Variants in AGBL4 observed in about 807,000 individuals in gnomAD.
AGBL4 encodes the protein AGBL carboxypeptidase 4.
AGBL4 carries 58 observed loss-of-function variants against 66.4 expected under a neutral mutation model. That is an observed-to-expected ratio of 0.87 (90% CI 0.71 to 1.09). The LOEUF (loss-of-function observed/expected upper bound fraction) is 1.09. Ranked by LOEUF, AGBL4 falls within the 50% of genes least tolerant of loss-of-function variation. AGBL4 has a pLI of 0.00. For missense variants in AGBL4, 579 were observed against 631.0 expected (o/e 0.92, Z 0.88); for synonymous variants, 234 against 222.9 (o/e 1.05, Z -0.44).
intron 2 of AGBL4, among the ~76,000 whole-genome samples, chr1:49,715,083 A>G (rs531087025): frequency 1.3e-5 from 2 of 152,282 alleles, no homozygotes; most frequent in African/African-American, 2.4e-5. Context: ...CGTCATCTAC[A>G]TTAGGTATTT....
chr1:48,910,789 T>C (rs577344455), intron 5 of AGBL4, among the ~76,000 whole-genome samples: 1 of 152,314 alleles, frequency 6.6e-6, no homozygotes, highest in East Asian at 1.9e-4. Flanking sequence ...TTTTACCAAA[T>C]GGATTTCTCC....
intron 2 of AGBL4, among the ~76,000 whole-genome samples, chr1:49,780,545 TG>T (rs1644312349): frequency 2.6e-5 from 4 of 152,092 alleles, no homozygotes; most frequent in African/African-American, 9.7e-5. Flanking sequence ...AATGAATTGT[TG>T]GGTTTGTAAT....
At chr1:49,532,366 C>A (rs1651207750) in intron 3 of AGBL4, among the ~76,000 whole-genome samples, 1 of 152,066 alleles carries the variant, frequency 6.6e-6, no homozygotes, top group South Asian at 2.1e-4. Context: ...AGCTGAGATT[C>A]AAATTCATGT....
intron 11 of AGBL4, among the ~76,000 whole-genome samples, chr1:48,558,286 G>A (rs1644350332): frequency 1.3e-5 from 2 of 152,180 alleles, no homozygotes; most frequent in South Asian, 4.1e-4. Flanking sequence ...GTGCATCAGT[G>A]GTTAAAGAAT....
chr1:49,698,859 A>G (rs1343165), intron 2 of AGBL4, among the ~76,000 whole-genome samples: 64,245 of 151,848 alleles, frequency 0.42, 16,112 homozygotes, highest in Non-Finnish European at 0.57. Flanking sequence ...TTGATAAACA[A>G]TATCTTAAAA....
At chr1:49,520,042 G>T in intron 3 of AGBL4, among the ~76,000 whole-genome samples, 1 of 152,138 alleles carries the variant, frequency 6.6e-6, no homozygotes, top group African/African-American at 2.4e-5. Flanking sequence ...CAGATTCTAA[G>T]AACCTGAACA....
At chr1:49,012,560 T>G (rs1393839414) in intron 5 of AGBL4, among the ~76,000 whole-genome samples, 1 of 152,126 alleles carries the variant, frequency 6.6e-6, no homozygotes, top group Non-Finnish European at 1.5e-5. Flanking sequence ...CTCTAGAAAA[T>G]AGGCCTATTC....
At chr1:49,427,994 G>A (rs1261510214) in intron 3 of AGBL4, among the ~76,000 whole-genome samples, 2 of 152,054 alleles carry the variant, frequency 1.3e-5, no homozygotes, top group Non-Finnish European at 2.9e-5. Context: ...AGTGCTGATT[G>A]GTGCGTTTTT....
At chr1:49,538,981 A>G (rs1236178357) in intron 3 of AGBL4, among the ~76,000 whole-genome samples, 1 of 152,188 alleles carries the variant, frequency 6.6e-6, no homozygotes, top group Non-Finnish European at 1.5e-5. Flanking sequence ...ACGCATTTGT[A>G]TGAGGATGCT....
chr1:48,631,900 AG>A (rs1473306008), intron 9 of AGBL4, among the ~76,000 whole-genome samples: 10 of 152,208 alleles, frequency 6.6e-5, no homozygotes, highest in African/African-American at 2.4e-4. Flanking sequence ...TCTACCTAGA[AG>A]TCATACTTTG....
At chr1:49,105,135 T>A (rs1392516146) in intron 4 of AGBL4, among the ~76,000 whole-genome samples, 1 of 152,210 alleles carries the variant, frequency 6.6e-6, no homozygotes, top group African/African-American at 2.4e-5. Context: ...AGTATAGCTC[T>A]CTACTAAGCA....
intron 5 of AGBL4, among the ~76,000 whole-genome samples, chr1:48,915,103 T>C (rs1343430): frequency 1.3e-5 from 2 of 152,228 alleles, no homozygotes; most frequent in East Asian, 1.9e-4. Flanking sequence ...ACCTGGAGTA[T>C]GAAAAAGAAA....
At chr1:48,955,841 T>G (rs541208361) in intron 5 of AGBL4, among the ~76,000 whole-genome samples, 2 of 152,342 alleles carry the variant, frequency 1.3e-5, no homozygotes, top group South Asian at 4.1e-4. Context: ...GAGAATACTG[T>G]GAGGAATATG....
chr1:49,147,057 C>T (rs1276456863), intron 4 of AGBL4, among the ~76,000 whole-genome samples: 3 of 152,164 alleles, frequency 2.0e-5, no homozygotes, highest in Non-Finnish European at 2.9e-5. Flanking sequence ...GTGAGGGAGG[C>T]GACACAGGAG....
rs1648996846 is a variant in AGBL4, at chr1:48,736,097, TC to T, written c.635-72857del. ...GAGCTCTTCTGGGGCATTTGGGTTATCCGCTTGGTGTCCCCGGGCTCAGCCC... is the reference window on the plus strand; with the variant it reads ...GAGCTCTTCTGGGGCATTTGGGTTATCGCTTGGTGTCCCCGGGCTCAGCCC... On this transcript the variant is annotated intron_variant, in intron 6 of 13. Transcript: ENST00000371839. This position sits in a 1 kb window ranked among gnomAD's most constrained non-coding sequence, Gnocchi z 4.0. 1 of 868,840 alleles carries T rather than the reference TC, an allele frequency of 1.2e-6. No homozygotes were observed. The allele number at this position is 868,840 out of a possible 1,614,324, so 53.8% of individuals were successfully genotyped here.
chr1:49,471,135 A>C (rs1274068133), intron 3 of AGBL4, among the ~76,000 whole-genome samples: 1 of 152,022 alleles, frequency 6.6e-6, no homozygotes, highest in Non-Finnish European at 1.5e-5. Context: ...AATACACATA[A>C]CAATCTCTCC....
chr1:49,399,527 A>G (rs1645040437), intron 3 of AGBL4, among the ~76,000 whole-genome samples: 8 of 152,146 alleles, frequency 5.3e-5, no homozygotes, highest in Admixed American at 5.2e-4. Flanking sequence ...TCTTGTGGAT[A>G]TAAGTCATTT....
intron 4 of AGBL4, among the ~76,000 whole-genome samples, chr1:49,150,490 AGAG>A (rs1301737951): frequency 6.6e-6 from 1 of 152,244 alleles, no homozygotes; most frequent in Admixed American, 6.5e-5. Context: ...CTTGTCTTTA[AGAG>A]GAGAAATCTG....
At chr1:49,244,709 T>C (rs1651501161) in intron 4 of AGBL4, among the ~76,000 whole-genome samples, 1 of 151,844 alleles carries the variant, frequency 6.6e-6, no homozygotes, top group African/African-American at 2.4e-5. Context: ...TAGGGTTTTA[T>C]ATAATACTAT....
Sources: allele counts gnomAD v4.1 joint callset (sites outside exome capture counted in the v4.1 genomes callset), GRCh38; gene constraint gnomAD v4.1.1; non-coding constraint Gnocchi (gnomAD v3.1); transcripts MANE v1.5; gene names NCBI Gene and HGNC (gene_info 2026-07-23, HGNC 2026-07-21).